Variants in NBAS observed in about 807,000 individuals in gnomAD.
The protein encoded by NBAS is NBAS subunit of NRZ tethering complex.
Under a neutral mutation model 302.5 loss-of-function variants are expected in NBAS, and 219 were observed. The observed-to-expected ratio is 0.72, with a 90% CI of 0.65 to 0.81. The LOEUF is 0.81. Among genes scored for constraint, NBAS ranks in the 30% least tolerant of loss-of-function variants. The pLI is 0.00. For missense variants in NBAS, 2,932 were observed against 2,841.6 expected (o/e 1.03, Z -0.72); for synonymous variants, 1,118 against 1,021.6 (o/e 1.09, Z -1.80).
the NBAS span, among the ~76,000 whole-genome samples, chr2:14,861,778 G>A: frequency 7.0e-6 from 1 of 141,890 alleles, no homozygotes; most frequent in Non-Finnish European, 1.5e-5. Context: ...CAATATCAGC[G>A]TCACTCTCTC....
intron 28 of NBAS, among the ~76,000 whole-genome samples, chr2:15,389,800 C>A (rs1209485770): frequency 6.6e-6 from 1 of 152,128 alleles, no homozygotes; most frequent in Non-Finnish European, 1.5e-5. Flanking sequence ...ACTCTGTCAC[C>A]CAGACTGGAG....
chr2:15,359,281 C>A (rs999650998), intron 32 of NBAS, among the ~76,000 whole-genome samples: 28 of 152,208 alleles, frequency 1.8e-4, no homozygotes, highest in Non-Finnish European at 3.2e-4. Context: ...TTCACAGGCA[C>A]CTGACCAACC....
chr2:15,209,509 T>C (rs1238070988), intron 48 of NBAS, among the ~76,000 whole-genome samples: 1 of 152,046 alleles, frequency 6.6e-6, no homozygotes, highest in Non-Finnish European at 1.5e-5. Flanking sequence ...TACAGGCCAA[T>C]ATCATTGATA....
chr2:15,129,565 T>C, the NBAS span, among the ~76,000 whole-genome samples: 12 of 152,216 alleles, frequency 7.9e-5, no homozygotes, highest in African/African-American at 2.9e-4. Context: ...CATGCCTGCA[T>C]GCACGCAGTT....
chr2:14,849,306 G>A, the NBAS span, among the ~76,000 whole-genome samples: 6 of 152,166 alleles, frequency 3.9e-5, no homozygotes, highest in South Asian at 2.1e-4. Context: ...GAGCCAATGC[G>A]ATCAACTGGA....
chr2:15,144,774 T>G, the NBAS span, among the ~76,000 whole-genome samples: 1 of 152,336 alleles, frequency 6.6e-6, no homozygotes, highest in South Asian at 2.1e-4. Flanking sequence ...CAGTCCCATA[T>G]GTTACGATAC....
the NBAS span, among the ~76,000 whole-genome samples, chr2:15,114,044 G>A: frequency 3.3e-5 from 5 of 152,066 alleles, no homozygotes; most frequent in African/African-American, 1.2e-4. Flanking sequence ...TTAAGTTCTA[G>A]ATCCAAATAT....
At chr2:15,446,063 C>A (rs1678722354) in intron 21 of NBAS, among the ~76,000 whole-genome samples, 2 of 148,862 alleles carry the variant, frequency 1.3e-5, no homozygotes, top group African/African-American at 5.0e-5. Flanking sequence ...ACATGGTCAA[C>A]ATACATATAA....
At chr2:14,973,565 C>T in the NBAS span, among the ~76,000 whole-genome samples, 1 of 152,152 alleles carries the variant, frequency 6.6e-6, no homozygotes, top group African/African-American at 2.4e-5. Flanking sequence ...CAGCATTGCA[C>T]AAGCTTCATT....
At chr2:14,937,428 T>C in the NBAS span, among the ~76,000 whole-genome samples, 1 of 152,184 alleles carries the variant, frequency 6.6e-6, no homozygotes, top group Non-Finnish European at 1.5e-5. Context: ...CTACAATTCA[T>C]GAGGAGCTGC....
At chr2:14,988,993 C>A in the NBAS span, among the ~76,000 whole-genome samples, 1 of 152,060 alleles carries the variant, frequency 6.6e-6, no homozygotes, top group Non-Finnish European at 1.5e-5. Context: ...CCAAAACAAT[C>A]AAGTAAAATC....
the NBAS span, among the ~76,000 whole-genome samples, chr2:15,015,902 T>G: frequency 0.025 from 3,818 of 152,154 alleles, 152 homozygotes; most frequent in East Asian, 0.088. Flanking sequence ...AAAAAAAACT[T>G]TTAGAATTGA....
chr2:15,050,059 G>A, the NBAS span, among the ~76,000 whole-genome samples: 4 of 152,130 alleles, frequency 2.6e-5, no homozygotes, highest in South Asian at 2.1e-4. Flanking sequence ...GACAAATTCC[G>A]TTTCCTCTCT....
the NBAS span, among the ~76,000 whole-genome samples, chr2:15,114,496 C>T: frequency 6.6e-6 from 1 of 152,106 alleles, no homozygotes; most frequent in African/African-American, 2.4e-5. Flanking sequence ...CTGAAGTATT[C>T]GAGGTTAGGG....
the NBAS span, among the ~76,000 whole-genome samples, chr2:15,121,591 C>G: frequency 1.3e-5 from 2 of 152,192 alleles, no homozygotes; most frequent in African/African-American, 4.8e-5. Flanking sequence ...TCATTCATCA[C>G]TAACTGAAAT....
rs772049871 is a variant in NBAS at position 15,554,129 on chromosome 2, A to C, written c.219T>G (p.Pro73=). 2 of 1,613,456 alleles carry C rather than the reference A, an allele frequency of 1.2e-6. No homozygotes were observed. The highest frequency in any genetic ancestry group is 1.1e-5 in the South Asian group (1 of 90,972). ...GAACCAGTCCATCAGGGAGCAAAAA[A>C]GGTGCCGGGCTGAAATCACAACACA... The part of the protein sequence containing the change: ...LRQYIWYSPA[P]FLLPDGLVRL... Residue 73 remains proline, a synonymous_variant, in exon 4 of 52, where the codon CCT becomes CCG. Transcript: ENST00000281513.
the NBAS span, among the ~76,000 whole-genome samples, chr2:14,984,491 A>C: frequency 6.6e-6 from 1 of 152,230 alleles, no homozygotes; most frequent in Non-Finnish European, 1.5e-5. Context: ...GTGTGTGAGC[A>C]CTGACTTAGT....
intron 21 of NBAS, among the ~76,000 whole-genome samples, chr2:15,428,214 C>T (rs1416180500): frequency 6.6e-6 from 1 of 152,206 alleles, no homozygotes; most frequent in African/African-American, 2.4e-5. Flanking sequence ...CTATCCAATA[C>T]AGTAACCACC....
chr2:14,931,116 G>T, the NBAS span, among the ~76,000 whole-genome samples: 1 of 152,210 alleles, frequency 6.6e-6, no homozygotes, highest in African/African-American at 2.4e-5. Context: ...TTAAGGAACT[G>T]GGATTTCCCA....
Sources: allele counts gnomAD v4.1 joint callset (sites outside exome capture counted in the v4.1 genomes callset), GRCh38; gene constraint gnomAD v4.1.1; transcripts MANE v1.5; gene names NCBI Gene and HGNC (gene_info 2026-07-23, HGNC 2026-07-21).